LRP2: variants seen among roughly 807,000 people sequenced by gnomAD.
LRP2 encodes LDL receptor related protein 2.
LRP2 carries 172 observed loss-of-function variants against 531.0 expected under a neutral mutation model. The observed-to-expected ratio is 0.32, with a 90% CI of 0.29 to 0.37. The LOEUF is 0.37. LRP2 is among the 10% of genes least tolerant of loss of function. The pLI is 1.00. For missense variants in LRP2, 5,167 were observed against 5,868.3 expected (o/e 0.88, Z 3.90); for synonymous variants, 1,992 against 2,027.6 (o/e 0.98, Z 0.47).
intron 3 of LRP2, among the ~76,000 whole-genome samples, chr2:169,317,174 C>T (rs1309000910): frequency 2.0e-5 from 3 of 152,128 alleles, no homozygotes; most frequent in Admixed American, 1.3e-4. Flanking sequence ...ATAAACTTAT[C>T]TCCAGTCTCT....
Position 169,181,546 on chromosome 2 carries a change from A to G in LRP2, c.10071T>C (p.Ser3357=). The G allele has an allele frequency of 6.2e-7, 1 of 1,614,226 alleles. No homozygotes were observed. The highest frequency in any genetic ancestry group is 8.5e-7 in the Non-Finnish European group (1 of 1,180,038). Reference sequence around the variant, plus strand: ...ACTCTAACTTGGTGGAGATTATCACAGACTTGTTGGTTCCATCCATGCCTA... The same window carrying G: ...ACTCTAACTTGGTGGAGATTATCACGGACTTGTTGGTTCCATCCATGCCTA... ...GRVGMDGTNK[S]VIISTKLEWP... The change falls in exon 52 of 79, where the codon TCT becomes TCC. Residue 3357 remains serine, a synonymous_variant. Transcript: ENST00000649046.
chr2:169,351,044 C>T (rs888106086), intron 1 of LRP2, among the ~76,000 whole-genome samples: 10 of 152,092 alleles, frequency 6.6e-5, no homozygotes, highest in Admixed American at 5.2e-4. Flanking sequence ...GCATGAGATA[C>T]CAAGGGTAGG....
At chr2:169,135,723 C>A (rs1362245063) in intron 76 of LRP2, among the ~76,000 whole-genome samples, 1 of 59,300 alleles carries the variant, frequency 1.7e-5, no homozygotes, top group Admixed American at 1.7e-4. Flanking sequence ...CTACAGGGTA[C>A]AGCCATTTAA....
intron 77 of LRP2, among the ~76,000 whole-genome samples, chr2:169,131,256 T>C (rs1467657401): frequency 2.0e-4 from 1 of 5,038 alleles, no homozygotes; most frequent in Non-Finnish European, 3.9e-4. Context: ...AGTGTATGAG[T>C]GTGTGTGTGT....
At chr2:169,355,461 ACCC>A (rs1685964100) in intron 1 of LRP2, among the ~76,000 whole-genome samples, 1 of 152,036 alleles carries the variant, frequency 6.6e-6, no homozygotes, top group African/African-American at 2.4e-5. Flanking sequence ...TCTGGACTCC[ACCC>A]CTTCATACAT....
intron 63 of LRP2, among the ~76,000 whole-genome samples, chr2:169,160,682 T>TAAAAAAAAAAA (rs781574242): frequency 4.5e-4 from 24 of 52,810 alleles, no homozygotes; most frequent in African/African-American, 1.8e-3. Context: ...CTTATTTCCT[T>TAAAAAAAAAAA]AAAAAAAAAA....
At chr2:169,191,328 A>G (rs7592045) in intron 48 of LRP2, among the ~76,000 whole-genome samples, 152,257 of 152,278 alleles carry the variant, frequency 1, 76,118 homozygotes, top group Middle Eastern at 1. Context: ...AGTAGAGAGA[A>G]GAGAGTGAAA....
chr2:169,176,105 T>C (rs1687183062), intron 54 of LRP2, among the ~76,000 whole-genome samples: 1 of 152,232 alleles, frequency 6.6e-6, no homozygotes, highest in African/African-American at 2.4e-5. Context: ...GGACAATTTT[T>C]CAGTATGTAC....
chr2:169,132,568 T>A lies in LRP2; in HGVS notation c.13728+6A>T, dbSNP rs766726645. The A allele has an allele frequency of 5.1e-6, 8 of 1,563,122 alleles. No individual in the cohort carries two copies. The highest frequency in any genetic ancestry group is 1.4e-5 in the African/African-American group (1 of 73,850). ...CCACATTATTTCAGGAGTCGGCAACTGTTACCTGAGTTCCATCAGCAGCTG... is the reference window on the plus strand; with the variant it reads ...CCACATTATTTCAGGAGTCGGCAACAGTTACCTGAGTTCCATCAGCAGCTG... On this transcript the variant is annotated splice_donor_region_variant and intron_variant, in intron 77 of 78. Transcript: ENST00000649046.
intron 48 of LRP2, 101 bp downstream of exon 48, chr2:169,191,730 TG>T: frequency 1.1e-6 from 1 of 914,848 alleles, no homozygotes; most frequent in Non-Finnish European, 1.8e-6. Context: ...AAAAGCATCA[TG>T]GGCCCTGGGC....
At chr2:169,255,361 A>G (rs1383693413) in intron 19 of LRP2, among the ~76,000 whole-genome samples, 1 of 152,162 alleles carries the variant, frequency 6.6e-6, no homozygotes, top group Admixed American at 6.5e-5. Context: ...ACCAGGCTAC[A>G]TTCTTATTCC....
chr2:169,296,198 G>A (rs1214516393), intron 4 of LRP2, among the ~76,000 whole-genome samples: 1 of 152,076 alleles, frequency 6.6e-6, no homozygotes, highest in Non-Finnish European at 1.5e-5. Flanking sequence ...ATCTCCAGAG[G>A]TTCAAAGCTA....
At chr2:169,293,829 A>G (rs1192235633) in intron 6 of LRP2, among the ~76,000 whole-genome samples, 4 of 152,158 alleles carry the variant, frequency 2.6e-5, no homozygotes, top group African/African-American at 9.7e-5. Flanking sequence ...TGTCAGAGGT[A>G]TGGGTCATTT....
rs1184071278 is a variant in LRP2, at chr2:169,147,085, C to A, written c.12591-126G>T. 5.3e-6 allele frequency: 4 copies of A among 749,204 alleles called. No individual in the cohort carries two copies. The Admixed American group carries it at 8.3e-5, about 16-fold the overall frequency. 46.4% of individuals were successfully genotyped at this position (749,204 alleles called of 1,614,324 possible). On this transcript the variant is annotated intron_variant, in intron 68 of 78. Coordinates refer to ENST00000649046, the MANE Select transcript of LRP2 (RefSeq NM_004525.3). ...TCAGGGACCTGGGTGCTCAGTGACA[C>A]CAGTTTTATATTTTACAGAAGATGG...
At chr2:169,361,340 G>GTCTCTCTCTCTCTCTCTCTC (rs1240569991) in intron 1 of LRP2, among the ~76,000 whole-genome samples, 1 of 23,272 alleles carries the variant, frequency 4.3e-5, no homozygotes, top group Non-Finnish European at 8.9e-5. Flanking sequence ...GTCTCTCTCT[G>GTCTCTCTCTCTCTCTCTCTC]TCTCTCTCTG....
At chr2:169,188,500 C>T (rs1236087835) in intron 48 of LRP2, among the ~76,000 whole-genome samples, 2 of 152,182 alleles carry the variant, frequency 1.3e-5, no homozygotes, top group Non-Finnish European at 2.9e-5. Context: ...GGGCTGGCTG[C>T]TACCATTAGA....
intron 55 of LRP2, 99 bp downstream of exon 55, chr2:169,175,094 G>T (rs1403966503): frequency 1.7e-6 from 2 of 1,173,476 alleles, no homozygotes; most frequent in Non-Finnish European, 2.5e-6. Context: ...ACTTTGAACT[G>T]GTTTTTAGTT....
chr2:169,342,378 A>G lies in LRP2; in HGVS notation c.79+19943T>C, dbSNP rs534203238. 3.3e-5 allele frequency among the ~76,000 whole-genome samples: 5 copies of G among 152,220 alleles called. No homozygotes were observed. The East Asian group carries it at 7.7e-4, about 23-fold the overall frequency. The stretch of plus-strand genomic sequence containing the variant: ...TCCATGGTGACTCTCTCCTTTTCTC[A>G]TCACTTCCAAGTGCACAAGTCTAGT... On this transcript the variant is annotated intron_variant, in intron 1 of 78. Transcript: ENST00000649046.
chr2:169,271,621 A>G (rs1484705176), intron 15 of LRP2: 1 of 10,408 alleles, frequency 9.6e-5, no homozygotes, highest in African/African-American at 1.5e-4. Flanking sequence ...GCACACACAC[A>G]CACACACACA....
Sources: allele counts gnomAD v4.1 joint callset (sites outside exome capture counted in the v4.1 genomes callset), GRCh38; gene constraint gnomAD v4.1.1; transcripts MANE v1.5; gene names NCBI Gene and HGNC (gene_info 2026-07-23, HGNC 2026-07-21).